The following GTSE1 variants were observed in gnomAD, a reference collection of about 807,000 sequenced individuals.
The protein encoded by GTSE1 is G2 and S-phase expressed 1.
In GTSE1, 52 loss-of-function variants were observed where a neutral mutation model predicts 60.5. That is an observed-to-expected ratio of 0.86 (90% CI 0.69 to 1.08). The LOEUF is 1.08. Among genes scored for constraint, GTSE1 ranks in the 50% least tolerant of loss-of-function variants. GTSE1 has a pLI of 0.00. For missense variants in GTSE1, 937 were observed against 961.8 expected (o/e 0.97, Z 0.34); for synonymous variants, 368 against 386.5 (o/e 0.95, Z 0.56).
chr22:46,301,854 T>C (rs2077691144), intron 2 of GTSE1, among the ~76,000 whole-genome samples: 1 of 152,164 alleles, frequency 6.6e-6, no homozygotes, highest in African/African-American at 2.4e-5. Context: ...TTCGGCCAGG[T>C]GCGGTGGCTT....
Position 46,304,435 on chromosome 22 carries a change from T to C in GTSE1, c.80-3715T>C, listed in dbSNP as rs1350811975. On this transcript the variant is annotated intron_variant, in intron 2 of 11. Coordinates refer to ENST00000454366, the MANE Select transcript of GTSE1 (RefSeq NM_016426.7). The surrounding 1 kb of genome is among the most constrained non-coding windows in gnomAD (Gnocchi z 4.4). ...GCTTTGGGTTGAGATGGGGATTTCC[T>C]TATATATCTATTACTTTTTATTAAG... 6.6e-6 allele frequency among the ~76,000 whole-genome samples: 1 copy of C among 152,250 alleles called. No homozygotes were observed. Among genetic ancestry groups the C allele is most frequent in the Non-Finnish European group, 1.5e-5 (1 of 68,036 alleles).
chr22:46,304,509 A>T lies in GTSE1; in HGVS notation c.80-3641A>T, dbSNP rs1282086624. On this transcript the variant is annotated intron_variant, in intron 2 of 11. Transcript: ENST00000454366. This position sits in a 1 kb window ranked among gnomAD's most constrained non-coding sequence, Gnocchi z 4.4. ...GTTGTATTTTATCATATGCCCGTTC[A>T]ACATATGTGCAGACGATCATGGTTT... Among the ~76,000 whole-genome samples, 1 of 152,190 alleles carries T rather than the reference A, an allele frequency of 6.6e-6. No homozygotes were observed. Among genetic ancestry groups the T allele is most frequent in the Non-Finnish European group, 1.5e-5 (1 of 68,026 alleles).
chr22:46,328,658 T>C (rs1455488104), intron 9 of GTSE1, 30 bp from the exon 10 acceptor site: 3 of 1,547,230 alleles, frequency 1.9e-6, no homozygotes, highest in East Asian at 2.3e-5. Context: ...TTTAGAGACA[T>C]TTTCTCATAA....
chr22:46,316,603 G>A lies in GTSE1; in HGVS notation c.1432+191G>A, dbSNP rs536995753. Among the ~76,000 whole-genome samples the A allele has an allele frequency of 2.0e-5, 3 of 152,266 alleles. No individual in the cohort carries two copies. The highest frequency in any genetic ancestry group is 2.9e-5 in the Non-Finnish European group (2 of 68,026). ...ACTGGAGGCTCCCTGAATGTCTTAC[G>A]TTCGTTCCTGTGTGTGTGACACCCC... On this transcript the variant is annotated intron_variant, in intron 7 of 11. Coordinates refer to ENST00000454366, the MANE Select transcript of GTSE1 (RefSeq NM_016426.7). The surrounding 1 kb of genome is among the most constrained non-coding windows in gnomAD (Gnocchi z 5.0).
At position 46,330,783 on chromosome 22, in the gene GTSE1, G is replaced by A. The variant is rs1290632036; in HGVS notation, c.*653G>A. ...AGATATTCTAGATTTACATTAAATT[G>A]TAAAATAAATGGACTTATTGAAGCA... is the stretch of plus-strand genomic sequence containing the variant. On this transcript the variant is annotated 3_prime_UTR_variant, in exon 12 of 12. Transcript: ENST00000454366. This position sits in a 1 kb window ranked among gnomAD's most constrained non-coding sequence, Gnocchi z 6.0. 3 of 152,294 alleles carry A rather than the reference G, an allele frequency of 2.0e-5. No individual in the cohort carries two copies. The highest frequency in any genetic ancestry group is 3.8e-4 in the East Asian group (2 of 5,206). The allele number at this position is 152,294 out of a possible 1,614,324, so 9.4% of individuals were successfully genotyped here. A position where few individuals can be genotyped will look rare whatever the true frequency, so the allele number is the denominator to read the frequency against.
chr22:46,325,887 C>T (rs2077840897), intron 8 of GTSE1, among the ~76,000 whole-genome samples: 1 of 152,256 alleles, frequency 6.6e-6, no homozygotes, highest in Non-Finnish European at 1.5e-5. Context: ...GCCCGAACCA[C>T]AGGTATTGCC....
chr22:46,313,832 A>G lies in GTSE1; in HGVS notation c.928-58A>G, dbSNP rs1368120318. ...AAAAACCCCTTACTTTTGCAGACAC[A>G]AGTAATAGGTAAATAACGAGATCTT... On this transcript the variant is annotated intron_variant, in intron 5 of 11. Coordinates refer to ENST00000454366, the MANE Select transcript of GTSE1 (RefSeq NM_016426.7). This position sits in a 1 kb window ranked among gnomAD's most constrained non-coding sequence, Gnocchi z 4.4. The G allele has an allele frequency of 6.2e-7, 1 of 1,601,730 alleles. No individual in the cohort carries two copies. The highest frequency in any genetic ancestry group is 8.5e-7 in the Non-Finnish European group (1 of 1,170,404).
intron 2 of GTSE1, among the ~76,000 whole-genome samples, chr22:46,307,145 A>G (rs927345582): frequency 2.0e-5 from 3 of 152,222 alleles, no homozygotes; most frequent in Non-Finnish European, 4.4e-5. Context: ...AGACAGGGCC[A>G]TGCCAGCTGT....
In GTSE1 at chr22:46,330,332, A is replaced by C; in HGVS notation, c.*202A>C. On this transcript the variant is annotated 3_prime_UTR_variant, in exon 12 of 12. Transcript: ENST00000454366. This position sits in a 1 kb window ranked among gnomAD's most constrained non-coding sequence, Gnocchi z 6.0. ...TCCTGTCCCTACAAAAAATACAAAA[A>C]TTAGCCGGGTGTGGTAGTGCATGCC... 2.0e-6 allele frequency: 1 copy of C among 506,498 alleles called. No individual in the cohort carries two copies. Among genetic ancestry groups the C allele is most frequent in the Non-Finnish European group, 3.6e-6 (1 of 277,892 alleles). 31.4% of individuals were successfully genotyped at this position (506,498 alleles called of 1,614,324 possible). A position where few individuals can be genotyped will look rare whatever the true frequency, so the allele number is the denominator to read the frequency against.
In GTSE1 at chr22:46,316,534, A is replaced by C. The variant is rs1015853703; in HGVS notation, c.1432+122A>C. The C allele has an allele frequency of 2.7e-5, 20 of 745,894 alleles. No homozygotes were observed. The African/African-American group carries it at 3.4e-4, about 13-fold the overall frequency. The allele number at this position is 745,894 out of a possible 1,614,324, so 46.2% of individuals were successfully genotyped here. On this transcript the variant is annotated intron_variant, in intron 7 of 11. Transcript: ENST00000454366. This position sits in a 1 kb window ranked among gnomAD's most constrained non-coding sequence, Gnocchi z 5.0. ...AGTTCTTTCCTCCAACAGTGCTTTC[A>C]GGTGTGACCCGCTGTCTTCTCGCCC... is the stretch of plus-strand genomic sequence containing the variant.
At chr22:46,301,005 A>T (rs9627395) in intron 2 of GTSE1, among the ~76,000 whole-genome samples, 5,526 of 152,244 alleles carry the variant, frequency 0.036, 339 homozygotes, top group African/African-American at 0.13. Context: ...TCCATATAGC[A>T]TGGAGAGCCC....
At chr22:46,305,623 A>G (rs1485624302) in intron 2 of GTSE1, among the ~76,000 whole-genome samples, 1 of 150,388 alleles carries the variant, frequency 6.6e-6, no homozygotes, top group East Asian at 1.9e-4. Context: ...AAATAAAAAG[A>G]ATATACCAAG....
Position 46,297,990 on chromosome 22 carries a change from T to A in GTSE1, c.79+511T>A, listed in dbSNP as rs2077667171. Among the ~76,000 whole-genome samples, 4 of 152,050 alleles carry A rather than the reference T, an allele frequency of 2.6e-5. No individual in the cohort carries two copies. The South Asian group carries it at 8.3e-4, about 32-fold the overall frequency. ...TTTATTTATTTATTTATTGACGGAG[T>A]CTCGCTCTCTCACCCAGGCTGGAGT... On this transcript the variant is annotated intron_variant, in intron 2 of 11. Coordinates refer to ENST00000454366, the MANE Select transcript of GTSE1 (RefSeq NM_016426.7). The surrounding 1 kb of genome is among the most constrained non-coding windows in gnomAD (Gnocchi z 4.9).
intron 9 of GTSE1, 123 bp downstream of exon 9, chr22:46,326,777 GT>G (rs2077847113): frequency 3.2e-6 from 2 of 619,402 alleles, no homozygotes; most frequent in East Asian, 6.2e-5. Flanking sequence ...TGGAAAGTTT[GT>G]TTGTTTTTTT....
rs1470510710 is a variant in GTSE1 at position 46,328,712 on chromosome 22, C to T, written c.1749C>T (p.Asn583=). The T allele has an allele frequency of 1.2e-6, 2 of 1,613,878 alleles. No homozygotes were observed. Among genetic ancestry groups the T allele is most frequent in the African/African-American group, 1.3e-5 (1 of 75,056 alleles). ...AMRTEPTRES[N]RKTDSRLVDV... ...GAACTGAACCAACAAGGGAGAGCAACAGAAAGACAGATTCCAGGCTGGTGG... is the reference window on the plus strand; with the variant it reads ...GAACTGAACCAACAAGGGAGAGCAATAGAAAGACAGATTCCAGGCTGGTGG... Residue 583 remains asparagine (N), a synonymous_variant, in exon 10 of 12, where the codon AAC becomes AAT. Coordinates refer to ENST00000454366, the MANE Select transcript of GTSE1 (RefSeq NM_016426.7).
chr22:46,297,304 TGAGCC>T lies in GTSE1; in HGVS notation c.-21-72_-21-68del. ...CGGCCTTCAGCTCTCTCTGCCTCTGTGAGCCGAGGGCTGAAGGAAGCCGGAGCCCT... is the reference window on the plus strand; with the variant it reads ...CGGCCTTCAGCTCTCTCTGCCTCTGTGAGGGCTGAAGGAAGCCGGAGCCCT... On this transcript the variant is annotated intron_variant, in intron 1 of 11. Transcript: ENST00000454366. The surrounding 1 kb of genome is among the most constrained non-coding windows in gnomAD (Gnocchi z 4.9). 1.1e-6 allele frequency: 1 copy of T among 886,166 alleles called. No individual in the cohort carries two copies. Among genetic ancestry groups the T allele is most frequent in the Non-Finnish European group, 1.9e-6 (1 of 528,968 alleles). The allele number at this position is 886,166 out of a possible 1,614,324, so 54.9% of individuals were successfully genotyped here. A position where few individuals can be genotyped will look rare whatever the true frequency, so the allele number is the denominator to read the frequency against.
Position 46,329,484 on chromosome 22 carries a change from G to A in GTSE1, c.2053G>A (p.Glu685Lys), listed in dbSNP as rs1482708595. The stretch of plus-strand genomic sequence containing the variant: ...AGAAGCACACGTGGCTGTAGGATCT[G>A]AAAGCAGGCCTCTGATCGACCTCAT... ...TPEAHVAVGS[E>K]SRPLIDLMTN... Residue 685 changes from glutamate to lysine, a missense_variant, in exon 11 of 12, where the codon GAA becomes AAA. Glu to Lys is a moderately conservative substitution (Grantham distance 56). Transcript: ENST00000454366. This position sits in a 1 kb window ranked among gnomAD's most constrained non-coding sequence, Gnocchi z 6.4. 5 of 1,614,080 alleles carry A rather than the reference G, an allele frequency of 3.1e-6. No homozygotes were observed. The Admixed American group carries it at 8.3e-5, about 27-fold the overall frequency.
chr22:46,323,133 C>A, intron 7 of GTSE1, 57 bp from the exon 8 acceptor site: 1 of 1,117,794 alleles, frequency 8.9e-7, no homozygotes, highest in South Asian at 1.2e-5. Flanking sequence ...GATCCCCCAA[C>A]AGTAGGTCTC....
In GTSE1 at chr22:46,313,266, C is replaced by T. The variant is rs8139096; in HGVS notation, c.928-624C>T. Among the ~76,000 whole-genome samples, 5 of 151,600 alleles carry T rather than the reference C, an allele frequency of 3.3e-5. No homozygotes were observed. The highest frequency in any genetic ancestry group is 3.9e-4 in the East Asian group (2 of 5,156). On this transcript the variant is annotated intron_variant, in intron 5 of 11. Transcript: ENST00000454366. The surrounding 1 kb of genome is among the most constrained non-coding windows in gnomAD (Gnocchi z 4.4). ...TTTGCCACTTATTTTCTGGCATTGG[C>T]GGTAAACCAAGCTGTGTGTACTGGC...
Sources: allele counts gnomAD v4.1 joint callset (sites outside exome capture counted in the v4.1 genomes callset), GRCh38; gene constraint gnomAD v4.1.1; non-coding constraint Gnocchi (gnomAD v3.1); transcripts MANE v1.5; gene names NCBI Gene and HGNC (gene_info 2026-07-23, HGNC 2026-07-21).